PIN4: variants seen among roughly 807,000 people sequenced by gnomAD.
The protein encoded by PIN4 is peptidyl-prolyl cis-trans isomerase NIMA-interacting 4.
Under a neutral mutation model 8.3 loss-of-function variants are expected in PIN4, and 3 were observed. The observed-to-expected ratio is 0.36, with a 90% CI of 0.16 to 0.93. The LOEUF is 0.93. Among genes scored for constraint, PIN4 ranks in the 40% least tolerant of loss-of-function variants. The pLI, the probability that PIN4 is intolerant of heterozygous loss-of-function variation, is 0.44. For synonymous variants in PIN4, 18 were observed against 32.5 expected (o/e 0.55, Z 1.52); for missense variants, 75 against 100.6 (o/e 0.75, Z 1.09).
chrX:72,250,809 G>C (rs1004078662), intron 3 of PIN4, among the ~76,000 whole-genome samples: 1 of 98,568 alleles, frequency 1.0e-5, no homozygotes, highest in East Asian at 3.2e-4. Context: ...CCGCAATCTC[G>C]GCTCACTGCA....
intron 3 of PIN4, among the ~76,000 whole-genome samples, chrX:72,236,546 G>A (rs1456075436): frequency 1.8e-5 from 2 of 111,318 alleles, no homozygotes; most frequent in Non-Finnish European, 3.8e-5. Flanking sequence ...CACCTGCCTC[G>A]CCCTCCCAAA....
intron 2 of PIN4, among the ~76,000 whole-genome samples, chrX:72,188,956 A>G (rs1020459097): frequency 8.9e-6 from 1 of 112,309 alleles, no homozygotes; most frequent in African/African-American, 3.2e-5. Context: ...ATTTGTTTTT[A>G]TAAAGCCTTT....
intron 3 of PIN4, among the ~76,000 whole-genome samples, chrX:72,259,871 C>T (rs752873127): frequency 8.6e-4 from 93 of 107,685 alleles, no homozygotes; most frequent in African/African-American, 3.1e-3. Context: ...GCTGGGATTA[C>T]AGGTGCTTGC....
intron 2 of PIN4, among the ~76,000 whole-genome samples, chrX:72,193,982 G>A (rs1226835481): frequency 1.8e-5 from 2 of 111,930 alleles, no homozygotes; most frequent in African/African-American, 6.5e-5. Flanking sequence ...ATTAAATAGA[G>A]TCCAAAAGTT....
intron 3 of PIN4, among the ~76,000 whole-genome samples, chrX:72,226,643 A>C (rs1170177004): frequency 2.7e-5 from 3 of 111,389 alleles, no homozygotes; most frequent in Non-Finnish European, 5.7e-5. Flanking sequence ...TCAGATAAAA[A>C]CCACATTCCA....
intron 3 of PIN4, among the ~76,000 whole-genome samples, chrX:72,227,677 C>T (rs769827872): frequency 2.7e-5 from 3 of 111,492 alleles, no homozygotes; most frequent in Non-Finnish European, 5.6e-5. Flanking sequence ...TTCCTATAGC[C>T]AGAAGACTGG....
At chrX:72,232,499 C>G (rs891484096) in intron 3 of PIN4, among the ~76,000 whole-genome samples, 1 of 106,054 alleles carries the variant, frequency 9.4e-6, no homozygotes, top group Non-Finnish European at 1.9e-5. Flanking sequence ...ACACAAAGAA[C>G]GGTGAAACTA....
chrX:72,218,987 G>A (rs866855375), intron 3 of PIN4, among the ~76,000 whole-genome samples: 1 of 112,836 alleles, frequency 8.9e-6, no homozygotes, highest in Middle Eastern at 4.6e-3. Flanking sequence ...TGGGCACAGT[G>A]GCCCACGCCT....
chrX:72,186,239 C>A, intron 1 of PIN4: 1 of 413,990 alleles, frequency 2.4e-6, no homozygotes, highest in Non-Finnish European at 4.3e-6. Flanking sequence ...TTTAGCTTGT[C>A]AACTATCATT....
At chrX:72,216,787 G>A (rs931894568) in intron 3 of PIN4, among the ~76,000 whole-genome samples, 2 of 109,843 alleles carry the variant, frequency 1.8e-5, no homozygotes, top group Non-Finnish European at 3.8e-5. Flanking sequence ...TTTGTGTTTG[G>A]CAAGGTTAAC....
At chrX:72,238,823 C>A in intron 3 of PIN4, 1 of 1,175,140 alleles carries the variant, frequency 8.5e-7, no homozygotes, top group Non-Finnish European at 1.1e-6. Context: ...TAGCTAGACC[C>A]GCCCAGCGGT....
chrX:72,258,867 C>T (rs2043125000), intron 3 of PIN4, among the ~76,000 whole-genome samples: 2 of 111,403 alleles, frequency 1.8e-5, no homozygotes, highest in South Asian at 3.8e-4. Context: ...CTACTCAATA[C>T]TCCCACTACC....
At chrX:72,233,202 ATAAAG>A (rs768825078) in intron 3 of PIN4, among the ~76,000 whole-genome samples, 5 of 111,881 alleles carry the variant, frequency 4.5e-5, no homozygotes, top group Admixed American at 1.9e-4. Flanking sequence ...AGCCTTCCCT[ATAAAG>A]TATTCATGCC....
intron 2 of PIN4, among the ~76,000 whole-genome samples, chrX:72,194,701 C>CAA (rs56123643): frequency 3.0e-4 from 15 of 50,146 alleles, no homozygotes; most frequent in Non-Finnish European, 5.8e-4. Flanking sequence ...AACTCCATCT[C>CAA]AAAAAAAAAA....
In PIN4 at chrX:72,208,801, A is replaced by G. The variant is rs780199202; in HGVS notation, c.312+11897A>G. The G allele has an allele frequency of 8.0e-4, 517 of 648,160 alleles. 5 individuals carry two copies. In the South Asian group the frequency reaches 0.015, roughly 19 times the overall value. The allele number at this position is 648,160 out of a possible 1,213,427, so 53.4% of individuals were successfully genotyped here. A position where few individuals can be genotyped will look rare whatever the true frequency, so the allele number is the denominator to read the frequency against. On this transcript the variant is annotated intron_variant, in intron 3 of 3. Coordinates refer to the PIN4 transcript ENST00000423432. ...AATCCAAACTGCAGCTGGACTTTTA[A>G]TATCCTCAATTCAGGATGGGAAAGA... is the stretch of plus-strand genomic sequence containing the variant.
chrX:72,256,047 A>G (rs2043109314), intron 3 of PIN4: 1 of 112,289 alleles, frequency 8.9e-6, no homozygotes, highest in Non-Finnish European at 1.9e-5. Flanking sequence ...GAAGTGGCTC[A>G]CAGACTCCTG....
chrX:72,227,429 G>A (rs1225597883), intron 3 of PIN4, among the ~76,000 whole-genome samples: 1 of 111,618 alleles, frequency 9.0e-6, no homozygotes, highest in Admixed American at 9.5e-5. Flanking sequence ...TTAAAGACTG[G>A]GTTACACTTT....
At chrX:72,192,371 C>T (rs1324356170) in intron 2 of PIN4, among the ~76,000 whole-genome samples, 1 of 111,618 alleles carries the variant, frequency 9.0e-6, no homozygotes, top group Non-Finnish European at 1.9e-5. Context: ...CTCAGTCAGC[C>T]TGCTGTATTC....
chrX:72,192,889 C>T (rs754226912), intron 2 of PIN4, among the ~76,000 whole-genome samples: 19 of 111,858 alleles, frequency 1.7e-4, no homozygotes, highest in Non-Finnish European at 3.2e-4. Flanking sequence ...TGAGCCACTG[C>T]GCCTCGCCCC....
Sources: gnomAD v4.1 joint callset for allele counts (sites outside exome capture counted in the v4.1 genomes callset) on GRCh38, gnomAD v4.1.1 for gene constraint, MANE v1.5 for transcripts, NCBI Gene and HGNC (gene_info 2026-07-23, HGNC 2026-07-21) for gene names.